Variants in FRRS1 observed in about 807,000 individuals in gnomAD.
FRRS1 encodes ferric reductase 1.
A neutral mutation model predicts 70.7 loss-of-function variants in FRRS1; 51 were observed. The observed-to-expected ratio is 0.72, with a 90% CI of 0.58 to 0.91. The LOEUF (loss-of-function observed/expected upper bound fraction) is 0.91. Ranked by LOEUF, FRRS1 falls within the 40% of genes least tolerant of loss-of-function variation. FRRS1 has a pLI of 0.00. For missense variants in FRRS1, 672 were observed against 726.0 expected (o/e 0.93, Z 0.86); for synonymous variants, 225 against 238.7 (o/e 0.94, Z 0.53).
rs1299782018 is a variant in FRRS1, at chr1:99,715,628, A to C, written c.1281T>G (p.Ile427Met). ...LMFTTTVLTC[I>M]AFVMPFIYRG... ...TGTATATAAACGGCATAACAAAAGC[A>C]ATGCAGGTGAGGACAGTTGTGGTGA... Residue 427 changes from isoleucine (I) to methionine (M), a missense_variant, in exon 12 of 17, where the codon ATT (isoleucine) becomes ATG (methionine). Ile to Met is a conservative substitution (Grantham distance 10). Transcript: ENST00000646001. The C allele has an allele frequency of 1.2e-6, 2 of 1,613,506 alleles. No individual in the cohort carries two copies. The highest frequency in any genetic ancestry group is 1.7e-6 in the Non-Finnish European group (2 of 1,179,400).
At chr1:99,734,833 G>C (rs1167112595) in intron 7 of FRRS1, among the ~76,000 whole-genome samples, 1 of 152,104 alleles carries the variant, frequency 6.6e-6, no homozygotes, top group East Asian at 1.9e-4. Context: ...GTGCTGTCCA[G>C]GAACACACAT....
At chr1:99,722,540 G>T (rs1372520360) in intron 9 of FRRS1, among the ~76,000 whole-genome samples, 1 of 152,066 alleles carries the variant, frequency 6.6e-6, no homozygotes, top group African/African-American at 2.4e-5. Flanking sequence ...ACCAAGTAAG[G>T]TTTATTCCAG....
intron 1 of FRRS1, among the ~76,000 whole-genome samples, chr1:99,760,321 A>T (rs1478765847): frequency 2.0e-5 from 3 of 152,238 alleles, no homozygotes; most frequent in Non-Finnish European, 4.4e-5. Flanking sequence ...GTTCAAACGT[A>T]AAATATTTCA....
In FRRS1 at chr1:99,705,920, T is replaced by C. The variant is rs1180353055; in HGVS notation, c.*3108A>G. ...CAACATTGCTAAAGATATAAAAGCA[T>C]TTAATTTAACAATAATTACTATCAA... On this transcript the variant is annotated 3_prime_UTR_variant, in exon 17 of 17. Coordinates refer to ENST00000646001, the MANE Select transcript of FRRS1 (RefSeq NM_001361041.2). 6.6e-6 allele frequency among the ~76,000 whole-genome samples: 1 copy of C among 152,200 alleles called. No individual in the cohort carries two copies. The highest frequency in any genetic ancestry group is 1.5e-5 in the Non-Finnish European group (1 of 68,026).
chr1:99,725,833 T>C (rs1655057685), intron 9 of FRRS1, among the ~76,000 whole-genome samples: 1 of 152,248 alleles, frequency 6.6e-6, no homozygotes, highest in Non-Finnish European at 1.5e-5. Flanking sequence ...CATTTAAAAT[T>C]TATTATACAA....
At chr1:99,748,534 T>G in intron 3 of FRRS1, 39 bp downstream of exon 3, 1 of 1,464,420 alleles carries the variant, frequency 6.8e-7, no homozygotes. Context: ...AGTAAAAGAG[T>G]GAAATCCAAA....
intron 3 of FRRS1, chr1:99,747,679 CA>C (rs1196548824): frequency 3.0e-5 from 12 of 397,570 alleles, no homozygotes; most frequent in Non-Finnish European, 5.0e-5. Context: ...GGTGATGGTC[CA>C]GGGGCAGTCC....
intron 10 of FRRS1, among the ~76,000 whole-genome samples, chr1:99,718,504 T>C (rs1654647087): frequency 6.6e-6 from 1 of 152,152 alleles, no homozygotes; most frequent in Non-Finnish European, 1.5e-5. Flanking sequence ...AATTTCTGCA[T>C]TTTTAGTAGA....
At chr1:99,762,086 A>C (rs1216317011) in intron 1 of FRRS1, among the ~76,000 whole-genome samples, 1 of 152,216 alleles carries the variant, frequency 6.6e-6, no homozygotes, top group Non-Finnish European at 1.5e-5. Context: ...TTGATCACCA[A>C]ACTATCCATA....
chr1:99,730,695 G>A (rs539838886), intron 7 of FRRS1, among the ~76,000 whole-genome samples: 35 of 152,124 alleles, frequency 2.3e-4, no homozygotes, highest in Non-Finnish European at 3.1e-4. Context: ...GTGAAACCCC[G>A]TCTCTACTAA....
At chr1:99,737,895 A>ACGAC (rs760391103) in intron 7 of FRRS1, among the ~76,000 whole-genome samples, 191 bp downstream of exon 7, 1 of 152,144 alleles carries the variant, frequency 6.6e-6, no homozygotes, top group Non-Finnish European at 1.5e-5. Context: ...AGCGCCCGCC[A>ACGAC]CGACGCTAGG....
At chr1:99,760,261 G>A (rs1050102392) in intron 1 of FRRS1, among the ~76,000 whole-genome samples, 1 of 152,100 alleles carries the variant, frequency 6.6e-6, no homozygotes, top group African/African-American at 2.4e-5. Context: ...ACACTATTGG[G>A]CTTAGATAAA....
At chr1:99,729,360 G>A (rs1189997026) in intron 8 of FRRS1, among the ~76,000 whole-genome samples, 2 of 152,204 alleles carry the variant, frequency 1.3e-5, no homozygotes, top group African/African-American at 4.8e-5. Flanking sequence ...TTGAAAGGAA[G>A]CTGATGCCCT....
chr1:99,734,146 A>T (rs1407918216), intron 7 of FRRS1, among the ~76,000 whole-genome samples: 3 of 152,242 alleles, frequency 2.0e-5, no homozygotes, highest in African/African-American at 7.2e-5. Context: ...AGGAGATCCA[A>T]GAGATGTAAC....
chr1:99,711,208 C>G, intron 14 of FRRS1: 1 of 419,984 alleles, frequency 2.4e-6, no homozygotes, highest in Non-Finnish European at 4.4e-6. Flanking sequence ...GTTTGGCCTT[C>G]TAGTGAACCC....
At chr1:99,739,395 T>C (rs1408567788) in intron 6 of FRRS1, among the ~76,000 whole-genome samples, 1 of 152,222 alleles carries the variant, frequency 6.6e-6, no homozygotes, top group Non-Finnish European at 1.5e-5. Flanking sequence ...CCAAACTGAC[T>C]GTGTATTTCC....
rs1654027262 is a variant in FRRS1, at chr1:99,705,991, CAAAA to C, written c.*3033_*3036del. The stretch of plus-strand genomic sequence containing the variant: ...CTTCCCAGAGTGTTTATTACAGAAA[CAAAA>C]AGAAAAACTGAGAGGAGTGAAGACT... On this transcript the variant is annotated 3_prime_UTR_variant, in exon 17 of 17. Transcript: ENST00000646001. 1.3e-5 allele frequency among the ~76,000 whole-genome samples: 2 copies of C among 151,816 alleles called. No individual in the cohort carries two copies. Among genetic ancestry groups the C allele is most frequent in the Non-Finnish European group, 2.9e-5 (2 of 67,926 alleles).
chr1:99,743,751 T>C (rs1656091480), intron 4 of FRRS1, among the ~76,000 whole-genome samples: 1 of 152,152 alleles, frequency 6.6e-6, no homozygotes, highest in Admixed American at 6.5e-5. Context: ...GGTTTCGCCA[T>C]GTTTCCCAGT....
Position 99,740,835 on chromosome 1 carries a change from T to G in FRRS1, c.534A>C (p.Val178=), listed in dbSNP as rs1235116176. ...FPFTTPKATV[V]PLPTLPPVSH... is the part of the protein sequence containing the mutation. ...AAACGGGAGGTAACGTTGGCAAAGG[T>G]ACTACTGTAGCTTTAGGTGTTGTAA... The change falls in exon 6 of 17, where the codon GTA becomes GTC. Residue 178 remains valine, a synonymous_variant. Coordinates refer to ENST00000646001, the MANE Select transcript of FRRS1 (RefSeq NM_001361041.2). The G allele has an allele frequency of 6.2e-7, 1 of 1,613,032 alleles. No individual in the cohort carries two copies. Among genetic ancestry groups the G allele is most frequent in the Admixed American group, 1.7e-5 (1 of 60,018 alleles).
Sources: gnomAD v4.1 joint callset for allele counts (sites outside exome capture counted in the v4.1 genomes callset) on GRCh38, gnomAD v4.1.1 for gene constraint, MANE v1.5 for transcripts, NCBI Gene and HGNC (gene_info 2026-07-23, HGNC 2026-07-21) for gene names.